Variants in OPCML observed in about 807,000 individuals in gnomAD.
OPCML encodes the protein opioid binding protein/cell adhesion molecule like.
Under a neutral mutation model 37.8 loss-of-function variants are expected in OPCML, and 13 were observed. That is an observed-to-expected ratio of 0.34 (90% CI 0.22 to 0.55). OPCML has a LOEUF of 0.55. Ranked by LOEUF, OPCML falls within the 20% of genes least tolerant of loss-of-function variation. The pLI, the probability that OPCML is intolerant of heterozygous loss-of-function variation, is 0.91. For missense variants in OPCML, 341 were observed against 435.6 expected (o/e 0.78, Z 1.93); for synonymous variants, 176 against 168.8 (o/e 1.04, Z -0.33).
intron 2 of OPCML, among the ~76,000 whole-genome samples, chr11:132,756,766 A>G (rs540409759): frequency 1.3e-5 from 2 of 152,278 alleles, no homozygotes; most frequent in South Asian, 4.1e-4. Context: ...AATCTGTTCA[A>G]GGTCTTCTTT....
At chr11:132,731,100 G>A (rs765047879) in intron 2 of OPCML, among the ~76,000 whole-genome samples, 2 of 152,216 alleles carry the variant, frequency 1.3e-5, no homozygotes, top group Non-Finnish European at 2.9e-5. Context: ...GTCCAGTGGG[G>A]TAACCACATA....
chr11:132,547,383 T>A (rs2096371163), intron 3 of OPCML, among the ~76,000 whole-genome samples: 1 of 152,132 alleles, frequency 6.6e-6, no homozygotes, highest in East Asian at 1.9e-4. Context: ...CATGCAGGCA[T>A]CTTGGAGAAA....
At chr11:132,736,910 A>G (rs1048491187) in intron 2 of OPCML, among the ~76,000 whole-genome samples, 4 of 152,214 alleles carry the variant, frequency 2.6e-5, no homozygotes, top group East Asian at 1.9e-4. Context: ...TTTTAAGATG[A>G]TAATTTTCAA....
chr11:132,420,490 G>T, intron 7 of OPCML, 197 bp from the exon 8 acceptor site: 1 of 627,212 alleles, frequency 1.6e-6, no homozygotes, highest in Non-Finnish European at 2.0e-6. Context: ...CTTGACCAAT[G>T]CAGCCTGCTC....
At chr11:132,935,514 G>A (rs1236638347) in intron 2 of OPCML, among the ~76,000 whole-genome samples, 2 of 152,284 alleles carry the variant, frequency 1.3e-5, no homozygotes, top group East Asian at 3.9e-4. Context: ...TAATTGAGAT[G>A]CCATAAATCT....
chr11:133,167,326 A>G (rs891444614), intron 1 of OPCML, among the ~76,000 whole-genome samples: 2 of 152,190 alleles, frequency 1.3e-5, no homozygotes, highest in Non-Finnish European at 2.9e-5. Context: ...GAAATACAAA[A>G]TAAATACCAT....
At chr11:132,787,238 C>A (rs1947245624) in intron 2 of OPCML, among the ~76,000 whole-genome samples, 1 of 152,152 alleles carries the variant, frequency 6.6e-6, no homozygotes, top group African/African-American at 2.4e-5. Context: ...CCAAATTCAA[C>A]GTGCTCATTA....
chr11:132,547,756 G>C (rs1456380115), intron 3 of OPCML, among the ~76,000 whole-genome samples: 1 of 152,076 alleles, frequency 6.6e-6, no homozygotes, highest in Non-Finnish European at 1.5e-5. Context: ...GGAAAAAAAA[G>C]TCTCCATCAA....
intron 2 of OPCML, among the ~76,000 whole-genome samples, chr11:132,770,926 C>A (rs931827691): frequency 6.6e-6 from 1 of 152,146 alleles, no homozygotes; most frequent in East Asian, 1.9e-4. Flanking sequence ...CTTGATAGAC[C>A]ATATGGTCTG....
At chr11:133,281,509 T>C (rs1014368431) in intron 1 of OPCML, among the ~76,000 whole-genome samples, 8 of 152,138 alleles carry the variant, frequency 5.3e-5, no homozygotes, top group Non-Finnish European at 7.3e-5. Context: ...AGTAAACTTC[T>C]TTTCTTTATA....
intron 2 of OPCML, among the ~76,000 whole-genome samples, chr11:132,671,710 T>C (rs1942483860): frequency 6.6e-6 from 1 of 152,136 alleles, no homozygotes; most frequent in South Asian, 2.1e-4. Flanking sequence ...TAGAAACTTG[T>C]AAGGGTTTAA....
At chr11:132,482,325 A>G (rs2096183529) in intron 4 of OPCML, among the ~76,000 whole-genome samples, 1 of 152,096 alleles carries the variant, frequency 6.6e-6, no homozygotes, top group Non-Finnish European at 1.5e-5. Context: ...TCTAGAAGAA[A>G]TGGATAAATT....
chr11:132,624,932 T>C (rs1939648512), intron 3 of OPCML, among the ~76,000 whole-genome samples: 1 of 152,134 alleles, frequency 6.6e-6, no homozygotes, highest in African/African-American at 2.4e-5. Flanking sequence ...TCATTTTTTA[T>C]TCAAATTTAA....
intron 4 of OPCML, among the ~76,000 whole-genome samples, chr11:132,443,908 A>C (rs769073734): frequency 6.6e-6 from 1 of 152,244 alleles, no homozygotes; most frequent in Admixed American, 6.5e-5. Flanking sequence ...AGCTATGAGC[A>C]GATCAAAACA....
intron 1 of OPCML, among the ~76,000 whole-genome samples, chr11:133,497,636 G>T (rs1291562741): frequency 6.6e-6 from 1 of 152,102 alleles, no homozygotes; most frequent in African/African-American, 2.4e-5. Flanking sequence ...GGGCCCTCAT[G>T]CCTCTGGCTT....
At chr11:132,949,753 G>T (rs1291224247) in intron 1 of OPCML, among the ~76,000 whole-genome samples, 1 of 152,150 alleles carries the variant, frequency 6.6e-6, no homozygotes, top group Non-Finnish European at 1.5e-5. Flanking sequence ...CTGTTCTAGG[G>T]ACTGAAGATG....
At chr11:132,661,963 T>A (rs1309346074) in intron 2 of OPCML, among the ~76,000 whole-genome samples, 1 of 152,136 alleles carries the variant, frequency 6.6e-6, no homozygotes, top group Non-Finnish European at 1.5e-5. Context: ...TAGCCATGTG[T>A]GAGGAAAGAA....
intron 1 of OPCML, among the ~76,000 whole-genome samples, chr11:133,333,113 C>A (rs1943660970): frequency 6.6e-6 from 1 of 152,040 alleles, no homozygotes. Flanking sequence ...GGTTGGAGTG[C>A]AATGGTGTGA....
At chr11:133,091,171 T>C (rs1423412065) in intron 1 of OPCML, among the ~76,000 whole-genome samples, 1 of 152,166 alleles carries the variant, frequency 6.6e-6, no homozygotes, top group Non-Finnish European at 1.5e-5. Context: ...AGGGCACAAG[T>C]GGTCAGCTTT....
Sources: allele counts gnomAD v4.1 joint callset (sites outside exome capture counted in the v4.1 genomes callset), GRCh38; gene constraint gnomAD v4.1.1; transcripts MANE v1.5; gene names NCBI Gene and HGNC (gene_info 2026-07-23, HGNC 2026-07-21).